The following NRXN3 variants were observed in gnomAD, a reference collection of about 807,000 sequenced individuals.
The protein encoded by NRXN3 is neurexin 3, also known as neurexin III.
In NRXN3, 32 loss-of-function variants were observed where a neutral mutation model predicts 137.6. The observed-to-expected ratio is 0.23, with a 90% CI of 0.18 to 0.31. The LOEUF is 0.31. Ranked by LOEUF, NRXN3 falls within the 10% of genes least tolerant of loss-of-function variation. The pLI is 1.00. For synonymous variants in NRXN3, 798 were observed against 784.5 expected (o/e 1.02, Z -0.29); for missense variants, 1,574 against 2,062.5 (o/e 0.76, Z 4.59).
At position 78,824,924 on chromosome 14, in the gene NRXN3, CAATA is replaced by C. The variant is rs1410290180; in HGVS notation, c.2275+14585_2275+14588del. Among the ~76,000 whole-genome samples the C allele has an allele frequency of 2.0e-5, 3 of 152,068 alleles. No homozygotes were observed. In the South Asian group the frequency reaches 6.2e-4, roughly 32 times the overall value. ...CCTGTATCAAAATATTTCATATACT[CAATA>C]AATATATACACCTACTATGTACCCA... On this transcript the variant is annotated intron_variant, in intron 10 of 20. Transcript: ENST00000335750.
chr14:78,851,634 C>A (rs1453972514), intron 10 of NRXN3, among the ~76,000 whole-genome samples: 1 of 152,200 alleles, frequency 6.6e-6, no homozygotes, highest in Non-Finnish European at 1.5e-5. Flanking sequence ...GTCTCCCAGA[C>A]TCTACCAATC....
intron 10 of NRXN3, among the ~76,000 whole-genome samples, chr14:78,885,011 C>G (rs535028247): frequency 6.6e-6 from 1 of 151,904 alleles, no homozygotes; most frequent in Non-Finnish European, 1.5e-5. Flanking sequence ...GGTAGGTGAA[C>G]TTAATCAGAT....
chr14:79,510,220 C>A (rs1183354357), intron 16 of NRXN3, among the ~76,000 whole-genome samples: 1 of 152,100 alleles, frequency 6.6e-6, no homozygotes, highest in Non-Finnish European at 1.5e-5. Flanking sequence ...GGAAGAAGAT[C>A]TAGGGGTTCT....
At chr14:79,839,193 G>A (rs2099350499) in intron 20 of NRXN3, among the ~76,000 whole-genome samples, 1 of 151,756 alleles carries the variant, frequency 6.6e-6, no homozygotes, top group South Asian at 2.1e-4. Flanking sequence ...TGAATCTCCT[G>A]TTTAAAAAGA....
chr14:79,414,605 G>A (rs779365477), intron 15 of NRXN3, among the ~76,000 whole-genome samples: 2 of 151,990 alleles, frequency 1.3e-5, no homozygotes, highest in Non-Finnish European at 2.9e-5. Flanking sequence ...TGTATTCAGG[G>A]AGTACAACAT....
At chr14:79,004,988 ATGT>A (rs2099549423) in intron 15 of NRXN3, among the ~76,000 whole-genome samples, 1 of 151,980 alleles carries the variant, frequency 6.6e-6, no homozygotes, top group Non-Finnish European at 1.5e-5. Flanking sequence ...TTAAGTTTTC[ATGT>A]TGTATTTTTT....
intron 15 of NRXN3, among the ~76,000 whole-genome samples, chr14:79,170,330 A>T (rs2061659478): frequency 6.6e-6 from 1 of 152,150 alleles, no homozygotes; most frequent in South Asian, 2.1e-4. Context: ...AGTTTTTAAT[A>T]TGAAAAATGG....
intron 16 of NRXN3, among the ~76,000 whole-genome samples, chr14:79,505,218 A>G (rs2096866451): frequency 6.6e-6 from 1 of 151,196 alleles, no homozygotes; most frequent in African/African-American, 2.4e-5. Context: ...TCCATCTCAA[A>G]AAAAAAAAAA....
chr14:78,834,390 C>T (rs74885004), intron 10 of NRXN3, among the ~76,000 whole-genome samples: 1,660 of 152,136 alleles, frequency 0.011, 23 homozygotes, highest in African/African-American at 0.039. Flanking sequence ...GAATACTGGT[C>T]TATTTTACTT....
chr14:79,388,390 T>C (rs867596763), intron 15 of NRXN3, among the ~76,000 whole-genome samples: 1 of 152,214 alleles, frequency 6.6e-6, no homozygotes, highest in Middle Eastern at 3.4e-3. Context: ...TTTAAGTATA[T>C]TTTATATTTA....
chr14:78,618,273 TG>T (rs1180880050), intron 4 of NRXN3, among the ~76,000 whole-genome samples: 6 of 151,490 alleles, frequency 4.0e-5, no homozygotes, highest in Admixed American at 1.3e-4. Flanking sequence ...TTTTTTTTTT[TG>T]ATGTGGCAAA....
At chr14:78,329,049 T>C (rs949026309) in intron 4 of NRXN3, among the ~76,000 whole-genome samples, 2 of 152,198 alleles carry the variant, frequency 1.3e-5, no homozygotes, top group Non-Finnish European at 2.9e-5. Flanking sequence ...ACAGGAAATA[T>C]CCTACTCAGA....
At chr14:78,900,696 A>T (rs2099193153) in intron 10 of NRXN3, among the ~76,000 whole-genome samples, 1 of 152,046 alleles carries the variant, frequency 6.6e-6, no homozygotes, top group African/African-American at 2.4e-5. Flanking sequence ...TTTCCTGAGA[A>T]CTAAAAATAA....
chr14:78,773,335 A>T (rs1207839663), intron 8 of NRXN3, among the ~76,000 whole-genome samples: 1 of 152,066 alleles, frequency 6.6e-6, no homozygotes, highest in Non-Finnish European at 1.5e-5. Context: ...CAGGAGTGAG[A>T]TTCCTACTCC....
At chr14:79,324,783 A>G (rs183211002) in intron 15 of NRXN3, among the ~76,000 whole-genome samples, 1 of 152,358 alleles carries the variant, frequency 6.6e-6, no homozygotes, top group African/African-American at 2.4e-5. Flanking sequence ...AGCTTTATTC[A>G]ATCATTAGAA....
chr14:79,458,652 A>C (rs923603729), intron 15 of NRXN3, among the ~76,000 whole-genome samples: 5 of 152,172 alleles, frequency 3.3e-5, no homozygotes, highest in Admixed American at 1.3e-4. Context: ...ATAAAACTTA[A>C]TATTTATTTT....
rs185570499 is a variant in NRXN3 at position 79,378,152 on chromosome 14, A to G, written c.3263-89069A>G. ...TTCTTTTGCTAATGTGTTCATCCTC[A>G]GTGCCTTCATTACCAGTTTCTTTCA... On this transcript the variant is annotated intron_variant, in intron 15 of 20. Coordinates refer to ENST00000335750, the MANE Select transcript of NRXN3 (RefSeq NM_001330195.2). 1.6e-3 allele frequency among the ~76,000 whole-genome samples: 243 copies of G among 152,324 alleles called. 2 individuals are homozygous for G. Among genetic ancestry groups the G allele is most frequent in the African/African-American group, 5.0e-3 (209 of 41,568 alleles).
intron 6 of NRXN3, among the ~76,000 whole-genome samples, chr14:78,659,861 G>GAGAA (rs944783931): frequency 1.2e-4 from 19 of 152,262 alleles, no homozygotes; most frequent in Admixed American, 7.8e-4. Flanking sequence ...GAAAGAGAGA[G>GAGAA]AGAAAGAAAG....
At chr14:79,490,776 GA>G (rs1228840919) in intron 16 of NRXN3, among the ~76,000 whole-genome samples, 1 of 151,976 alleles carries the variant, frequency 6.6e-6, no homozygotes, top group African/African-American at 2.4e-5. Flanking sequence ...GACTGTAGTC[GA>G]TAATAACTCA....
Sources: gnomAD v4.1 joint callset for allele counts (sites outside exome capture counted in the v4.1 genomes callset) on GRCh38, gnomAD v4.1.1 for gene constraint, MANE v1.5 for transcripts, NCBI Gene and HGNC (gene_info 2026-07-23, HGNC 2026-07-21) for gene names.